Variants in KLHL29 observed in about 807,000 individuals in gnomAD.
The protein encoded by KLHL29 is kelch like family member 29.
In KLHL29, 21 loss-of-function variants were observed where a neutral mutation model predicts 80.4. That is an observed-to-expected ratio of 0.26 (90% CI 0.19 to 0.38). The LOEUF is 0.38. Among genes scored for constraint, KLHL29 ranks in the 10% least tolerant of loss-of-function variants. The probability of loss-of-function intolerance (pLI) is 1.00; values close to 1 mark genes in which losing one functional copy is unlikely to be tolerated. For missense variants in KLHL29, 867 were observed against 1,223.9 expected (o/e 0.71, Z 4.35); for synonymous variants, 511 against 526.8 (o/e 0.97, Z 0.41).
chr2:23,579,911 GGTTCTGCGCCA>G (rs1667938106), intron 3 of KLHL29, among the ~76,000 whole-genome samples: 1 of 152,134 alleles, frequency 6.6e-6, no homozygotes, highest in South Asian at 2.1e-4. Flanking sequence ...AGTGACCCCT[GGTTCTGCGCCA>G]GGCAGAACAC....
chr2:23,557,509 T>C (rs1667328094), intron 2 of KLHL29, among the ~76,000 whole-genome samples: 2 of 151,802 alleles, frequency 1.3e-5, no homozygotes, highest in South Asian at 2.1e-4. Context: ...TTAAGGAGAC[T>C]TGAGGAGCTG....
intron 1 of KLHL29, among the ~76,000 whole-genome samples, chr2:23,441,336 G>T (rs953559540): frequency 4.3e-5 from 5 of 116,872 alleles, no homozygotes; most frequent in African/African-American, 1.4e-4. Context: ...TGGCGGGGTG[G>T]GGGGAGGGGG....
intron 2 of KLHL29, among the ~76,000 whole-genome samples, chr2:23,538,980 C>T (rs1666755540): frequency 6.6e-6 from 1 of 152,188 alleles, no homozygotes; most frequent in Admixed American, 6.5e-5. Flanking sequence ...TAGATGCATT[C>T]CAAATTCAGA....
intron 3 of KLHL29, among the ~76,000 whole-genome samples, chr2:23,586,908 G>A (rs371061059): frequency 4.6e-5 from 7 of 152,176 alleles, no homozygotes; most frequent in African/African-American, 1.7e-4. Flanking sequence ...TAAAACAGCA[G>A]GGAGTATCTC....
intron 3 of KLHL29, among the ~76,000 whole-genome samples, chr2:23,628,971 C>T (rs750607742): frequency 4.6e-5 from 7 of 152,206 alleles, no homozygotes; most frequent in Non-Finnish European, 1.0e-4. Context: ...CTGCCCCTGC[C>T]GTGCCCACCT....
intron 3 of KLHL29, among the ~76,000 whole-genome samples, chr2:23,610,948 TAAAC>T (rs1297803902): frequency 6.6e-6 from 1 of 152,182 alleles, no homozygotes; most frequent in Admixed American, 6.5e-5. Context: ...ATAAGCAAGA[TAAAC>T]AAAAATTACT....
chr2:23,496,558 G>T (rs1321204452), intron 2 of KLHL29, among the ~76,000 whole-genome samples: 1 of 152,170 alleles, frequency 6.6e-6, no homozygotes, highest in Non-Finnish European at 1.5e-5. Context: ...TGCAGCAGCA[G>T]CACCCCCTCT....
chr2:23,556,101 G>A (rs531076416), intron 2 of KLHL29, among the ~76,000 whole-genome samples: 1 of 152,354 alleles, frequency 6.6e-6, no homozygotes, highest in East Asian at 1.9e-4. Flanking sequence ...GGTTCTGTGA[G>A]GAGGTCTTCC....
chr2:23,626,545 T>C (rs1271790111), intron 3 of KLHL29, among the ~76,000 whole-genome samples: 1 of 152,210 alleles, frequency 6.6e-6, no homozygotes, highest in African/African-American at 2.4e-5. Flanking sequence ...GAAGTTTCCA[T>C]AGATATCAGC....
intron 1 of KLHL29, among the ~76,000 whole-genome samples, chr2:23,412,020 CA>C (rs1666871646): frequency 6.6e-6 from 1 of 150,978 alleles, no homozygotes; most frequent in African/African-American, 2.4e-5. Flanking sequence ...GCATTTGGGG[CA>C]GAAGAAACAG....
At chr2:23,429,853 T>C (rs1663121381) in intron 1 of KLHL29, among the ~76,000 whole-genome samples, 1 of 151,436 alleles carries the variant, frequency 6.6e-6, no homozygotes, top group Admixed American at 6.6e-5. Flanking sequence ...GCTACCACTA[T>C]CATTTTGTAA....
rs150774292 is a variant in KLHL29 at position 23,535,701 on chromosome 2, G to C, written c.-45-26451G>C. On this transcript the variant is annotated intron_variant, in intron 2 of 13. Transcript: ENST00000486442. ...TGAGTCCACTTATACGAGGTACCTA[G>C]AGCAAATTCATAGAGACGGAAAGTA... Among the ~76,000 whole-genome samples the C allele has an allele frequency of 1.4e-3, 220 of 152,316 alleles. 2 individuals carry two copies. Among genetic ancestry groups the C allele is most frequent in the African/African-American group, 5.2e-3 (216 of 41,572 alleles).
chr2:23,435,655 T>C (rs934873266), intron 1 of KLHL29, among the ~76,000 whole-genome samples: 1 of 152,208 alleles, frequency 6.6e-6, no homozygotes, highest in Admixed American at 6.5e-5. Flanking sequence ...ATTAACTGTT[T>C]TTGGATGGAA....
At chr2:23,554,418 A>G (rs747254237) in intron 2 of KLHL29, among the ~76,000 whole-genome samples, 4 of 152,126 alleles carry the variant, frequency 2.6e-5, no homozygotes, top group African/African-American at 4.8e-5. Flanking sequence ...CGGCTTCCCT[A>G]TCTGGAGACA....
chr2:23,623,566 G>A (rs1481981249), intron 3 of KLHL29, among the ~76,000 whole-genome samples: 1 of 152,174 alleles, frequency 6.6e-6, no homozygotes. Flanking sequence ...CTGTGTTCTG[G>A]AGTCATCGGA....
At chr2:23,601,529 C>T (rs1284186928) in intron 3 of KLHL29, among the ~76,000 whole-genome samples, 5 of 152,206 alleles carry the variant, frequency 3.3e-5, no homozygotes. Flanking sequence ...TCTTTGGAAG[C>T]CTTGCTCATG....
intron 3 of KLHL29, among the ~76,000 whole-genome samples, chr2:23,575,309 A>G (rs1667816278): frequency 6.6e-6 from 1 of 152,202 alleles, no homozygotes; most frequent in South Asian, 2.1e-4. Flanking sequence ...TCTCACCAGC[A>G]TCAAGCCCAC....
At chr2:23,527,759 T>G (rs1427341238) in intron 2 of KLHL29, among the ~76,000 whole-genome samples, 1 of 152,186 alleles carries the variant, frequency 6.6e-6, no homozygotes, top group African/African-American at 2.4e-5. Context: ...GGTGGTTAGC[T>G]TACACCCCAA....
intron 3 of KLHL29, among the ~76,000 whole-genome samples, chr2:23,623,192 C>T (rs183898415): frequency 6.6e-6 from 1 of 152,256 alleles, no homozygotes; most frequent in Non-Finnish European, 1.5e-5. Flanking sequence ...GAATGTCTTT[C>T]CTTCCCCACC....
Sources: allele counts gnomAD v4.1 joint callset (sites outside exome capture counted in the v4.1 genomes callset), GRCh38; gene constraint gnomAD v4.1.1; transcripts MANE v1.5; gene names NCBI Gene and HGNC (gene_info 2026-07-23, HGNC 2026-07-21).